The following UNKL variants were observed in gnomAD, a reference collection of about 807,000 sequenced individuals.
UNKL encodes unk like zinc finger.
A neutral mutation model predicts 78.0 loss-of-function variants in UNKL; 60 were observed. The ratio of observed to expected loss-of-function variants is 0.77; its 90% CI spans 0.63 to 0.95. The LOEUF (loss-of-function observed/expected upper bound fraction) is 0.95. UNKL is among the 40% of genes least tolerant of loss of function. UNKL has a pLI of 0.00. For missense variants in UNKL, 1,159 were observed against 1,045.7 expected (o/e 1.11, Z -1.49); for synonymous variants, 608 against 474.8 (o/e 1.28, Z -3.65).
intron 2 of UNKL, 54 bp downstream of exon 2, chr16:1,413,792 G>C: frequency 6.8e-7 from 1 of 1,471,320 alleles, no homozygotes; most frequent in Non-Finnish European, 9.0e-7. Context: ...CGCATCCCCG[G>C]GTGGAGGCCC....
rs139472164 is a variant in UNKL at position 1,371,630 on chromosome 16, A to G, written c.1265-19T>C. On this transcript the variant is annotated intron_variant, in intron 10 of 14. Transcript: ENST00000389221. ...GCAGAACCTGTCAACAGAGCCCCCCATCATCCACAGCCCACCCAGCGCTGC... is the reference window on the plus strand; with the variant it reads ...GCAGAACCTGTCAACAGAGCCCCCCGTCATCCACAGCCCACCCAGCGCTGC... 2.0e-6 allele frequency: 3 copies of G among 1,535,224 alleles called. No homozygotes were observed. The East Asian group carries it at 7.3e-5, about 38-fold the overall frequency.
At chr16:1,405,288 G>A (rs1248638367) in intron 2 of UNKL, among the ~76,000 whole-genome samples, 2 of 148,840 alleles carry the variant, frequency 1.3e-5, no homozygotes, top group African/African-American at 5.2e-5. Flanking sequence ...AGGGAGAAAG[G>A]AAGGAAGGCA....
At chr16:1,413,692 C>A (rs1204712932) in intron 2 of UNKL, among the ~76,000 whole-genome samples, 154 bp downstream of exon 2, 1 of 152,256 alleles carries the variant, frequency 6.6e-6, no homozygotes, top group Non-Finnish European at 1.5e-5. Context: ...GCCCCAGCAT[C>A]CCTGGTCACT....
At chr16:1,395,013 G>A (rs1293967412) in intron 6 of UNKL, among the ~76,000 whole-genome samples, 4 of 152,168 alleles carry the variant, frequency 2.6e-5, no homozygotes. Context: ...AAGTAGCTGG[G>A]ATTACAAGCA....
In UNKL at chr16:1,363,752, GCCC is replaced by G. The variant is rs1178403225; in HGVS notation, c.*2485_*2487del. 1 of 159,868 alleles carries G rather than the reference GCCC, an allele frequency of 6.3e-6. No individual in the cohort carries two copies. Among genetic ancestry groups the G allele is most frequent in the Non-Finnish European group, 1.4e-5 (1 of 72,992 alleles). 9.9% of individuals were successfully genotyped at this position (159,868 alleles called of 1,614,324 possible). Reference sequence around the variant, plus strand: ...CCAGGGCACACAGCCCCAGGATCTTGCCCCCATTTCCAACCCTGGCAGCGCTGC... The same window carrying G: ...CCAGGGCACACAGCCCCAGGATCTTGCCATTTCCAACCCTGGCAGCGCTGC... On this transcript the variant is annotated 3_prime_UTR_variant, in exon 15 of 15. Coordinates refer to ENST00000389221, the MANE Select transcript of UNKL (RefSeq NM_001372107.1).
At chr16:1,405,923 C>T (rs2037736887) in intron 2 of UNKL, 1 of 456,420 alleles carries the variant, frequency 2.2e-6, no homozygotes, top group African/African-American at 2.0e-5. Flanking sequence ...CAAGGAGGGT[C>T]CACCAGACCC....
At position 1,387,522 on chromosome 16, in the gene UNKL, G is replaced by A. The variant is rs753862617; in HGVS notation, c.1087-2137C>T. 6.6e-5 allele frequency among the ~76,000 whole-genome samples: 10 copies of A among 152,284 alleles called. No homozygotes were observed. Among genetic ancestry groups the A allele is most frequent in the Non-Finnish European group, 1.3e-4 (9 of 68,004 alleles). On this transcript the variant is annotated intron_variant, in intron 9 of 14. Transcript: ENST00000389221. The surrounding 1 kb of genome is among the most constrained non-coding windows in gnomAD (Gnocchi z 4.1). ...ACCTGGGAGCTCCTTGTACCCCGAT[G>A]GCTTGGATCGGGGAGGGAGCCGACC...
Position 1,403,227 on chromosome 16 carries a change from C to T in UNKL, c.405G>A (p.Gly135=). The part of the protein sequence containing the change: ...TDARGHCVKN[G]LHCAFAHGPL... Reference sequence around the variant, plus strand: ...GGCCGTGCGCGAAGGCACAGTGCAGCCCATTCTTCACGCAGTGGCCACGTG... The same window carrying T: ...GGCCGTGCGCGAAGGCACAGTGCAGTCCATTCTTCACGCAGTGGCCACGTG... The change falls in exon 3 of 15, where the codon GGG becomes GGA. Residue 135 remains glycine (G), a synonymous_variant. Transcript: ENST00000389221. The surrounding 1 kb of genome is among the most constrained non-coding windows in gnomAD (Gnocchi z 4.8). 4 of 1,614,126 alleles carry T rather than the reference C, an allele frequency of 2.5e-6. No homozygotes were observed. The highest frequency in any genetic ancestry group is 2.5e-6 in the Non-Finnish European group (3 of 1,180,006).
chr16:1,370,431 C>G, intron 11 of UNKL, 74 bp from the exon 12 acceptor site: 2 of 1,433,570 alleles, frequency 1.4e-6, no homozygotes, highest in South Asian at 1.3e-5. Context: ...GGGCGGCAGC[C>G]GTGGAAGACG....
chr16:1,367,854 CA>C lies in UNKL; in HGVS notation c.1589del (p.Leu530Ter). 6.4e-7 allele frequency: 1 copy of C among 1,564,528 alleles called. No individual in the cohort carries two copies. Among genetic ancestry groups the C allele is most frequent in the Non-Finnish European group, 8.7e-7 (1 of 1,155,494 alleles). On this transcript the variant is annotated frameshift_variant, in exon 13 of 15. Coordinates refer to ENST00000389221, the MANE Select transcript of UNKL (RefSeq NM_001372107.1). LOFTEE classifies it high-confidence loss of function. Reference protein sequence around the residue: ...SAASSYSPLGLNGVPGSIWDF... With the variant: ...SAASSYSPLGXNGVPGSIWDF... ...CCCAGATGCTCCCGGGGACACCGTT[CA>C]AACCTGAGTGTGAAACGGTCGATGA...
intron 10 of UNKL, among the ~76,000 whole-genome samples, chr16:1,378,154 C>A (rs2036368143): frequency 6.6e-6 from 1 of 152,188 alleles, no homozygotes; most frequent in Non-Finnish European, 1.5e-5. Flanking sequence ...CATGGAATGC[C>A]CCCCACTACA....
intron 2 of UNKL, among the ~76,000 whole-genome samples, chr16:1,405,178 G>T (rs1340692151): frequency 7.7e-6 from 1 of 129,340 alleles, no homozygotes; most frequent in African/African-American, 2.9e-5. Context: ...ATGGGCAACA[G>T]AGCAAGACCC....
rs759980308 is a variant in UNKL at position 1,364,442 on chromosome 16, C to T, written c.*1798G>A. 3.3e-5 allele frequency: 5 copies of T among 152,220 alleles called. No homozygotes were observed. The highest frequency in any genetic ancestry group is 4.8e-5 in the African/African-American group (2 of 41,440). The allele number at this position is 152,220 out of a possible 1,614,324, so 9.4% of individuals were successfully genotyped here. A position where few individuals can be genotyped will look rare whatever the true frequency, so the allele number is the denominator to read the frequency against. ...CGGTCGGGGAGAAACACGTCGGTGC[C>T]GCTTCCCACTCGTGTGCCCTCACCA... On this transcript the variant is annotated 3_prime_UTR_variant, in exon 15 of 15. Coordinates refer to ENST00000389221, the MANE Select transcript of UNKL (RefSeq NM_001372107.1).
At chr16:1,367,433 C>A in intron 13 of UNKL, 84 bp from the exon 14 acceptor site, 2 of 1,465,292 alleles carry the variant, frequency 1.4e-6, no homozygotes, top group Admixed American at 4.2e-5. Context: ...AGCGATCCTC[C>A]CCTCCCCTCC....
chr16:1,370,167 G>A lies in UNKL; in HGVS notation c.1548C>T (p.Gly516=). The change falls in exon 12 of 15, where the codon GGC becomes GGT. Residue 516 remains glycine (G), a synonymous_variant. Coordinates refer to ENST00000389221, the MANE Select transcript of UNKL (RefSeq NM_001372107.1). ...AGGATGAGGCTGCAGAGCCCAGTGT[G>A]CCCGGCTCTGAACGCAGGGGTGGCG... ...QQPPPLRSEP[G]TLGSAASSYS... is the part of the protein sequence containing the mutation. 1 of 1,515,208 alleles carries A rather than the reference G, an allele frequency of 6.6e-7. No homozygotes were observed. The highest frequency in any genetic ancestry group is 8.9e-7 in the Non-Finnish European group (1 of 1,126,776). The allele number at this position is 1,515,208 out of a possible 1,614,324, so 93.9% of individuals were successfully genotyped here. A position where few individuals can be genotyped will look rare whatever the true frequency, so the allele number is the denominator to read the frequency against.
chr16:1,402,979 G>A (rs576794974), intron 3 of UNKL, among the ~76,000 whole-genome samples, 189 bp downstream of exon 3: 2 of 152,276 alleles, frequency 1.3e-5, no homozygotes, highest in Admixed American at 1.3e-4. Context: ...GTGACAGAAC[G>A]AGAATCCGTC....
At position 1,395,431 on chromosome 16, in the gene UNKL, G is replaced by T. The variant is rs554480793; in HGVS notation, c.853-1216C>A. Among the ~76,000 whole-genome samples, 167 of 152,332 alleles carry T rather than the reference G, an allele frequency of 1.1e-3. 1 individual carries two copies. Among genetic ancestry groups the T allele is most frequent in the African/African-American group, 3.7e-3 (154 of 41,580 alleles). ...TCTGCCTGCCTCGGCCTCCCAAAGTGCTGGGATTACAGGCGTGAGCCACTG... is the reference window on the plus strand; with the variant it reads ...TCTGCCTGCCTCGGCCTCCCAAAGTTCTGGGATTACAGGCGTGAGCCACTG... On this transcript the variant is annotated intron_variant, in intron 6 of 14. Coordinates refer to ENST00000389221, the MANE Select transcript of UNKL (RefSeq NM_001372107.1).
intron 12 of UNKL, among the ~76,000 whole-genome samples, chr16:1,368,622 A>C (rs1423003839): frequency 2.7e-5 from 4 of 148,340 alleles, no homozygotes; most frequent in African/African-American, 7.4e-5. Flanking sequence ...AAAAAAAAAA[A>C]AAAAAAAAAA....
chr16:1,382,706 C>T (rs930179767), intron 10 of UNKL, among the ~76,000 whole-genome samples: 3 of 152,176 alleles, frequency 2.0e-5, no homozygotes, highest in Admixed American at 6.5e-5. Flanking sequence ...ACCTGTAATC[C>T]CAGCACTTTG....
Sources: allele counts gnomAD v4.1 joint callset (sites outside exome capture counted in the v4.1 genomes callset), GRCh38; gene constraint gnomAD v4.1.1; non-coding constraint Gnocchi (gnomAD v3.1); transcripts MANE v1.5; gene names NCBI Gene and HGNC (gene_info 2026-07-23, HGNC 2026-07-21).